The following CENPE variants were observed in gnomAD, a reference collection of about 807,000 sequenced individuals.
The protein encoded by CENPE is centromere protein E.
A neutral mutation model predicts 336.1 loss-of-function variants in CENPE; 145 were observed. The ratio of observed to expected loss-of-function variants is 0.43; its 90% CI spans 0.38 to 0.50. The LOEUF is 0.50. Ranked by LOEUF, CENPE falls within the 20% of genes least tolerant of loss-of-function variation. The probability of loss-of-function intolerance (pLI) is 0.00; values close to 1 mark genes in which losing one functional copy is unlikely to be tolerated. For synonymous variants in CENPE, 1,013 were observed against 984.8 expected, an observed-to-expected ratio of 1.03 and a Z score of -0.54; for missense variants, 2,719 against 3,023.3, an observed-to-expected ratio of 0.90 and a Z score of 2.36.
At chr4:103,169,026 G>C (rs553714495) in intron 16 of CENPE, among the ~76,000 whole-genome samples, 1 of 152,242 alleles carries the variant, frequency 6.6e-6, no homozygotes, top group East Asian at 1.9e-4. Flanking sequence ...ATTCAAAATA[G>C]CTATTTTAAG....
Position 103,163,016 on chromosome 4 carries a change from T to C in CENPE, c.1842+121A>G, listed in dbSNP as rs1053012139. Reference sequence around the variant, plus strand: ...AGGGTTATTGACAGATTTAATGAAATATATATAAATTTATTACAACAATAC... The same window carrying C: ...AGGGTTATTGACAGATTTAATGAAACATATATAAATTTATTACAACAATAC... On this transcript the variant is annotated intron_variant, in intron 18 of 48. Transcript: ENST00000265148. 5 of 691,074 alleles carry C rather than the reference T, an allele frequency of 7.2e-6. No homozygotes were observed. The African/African-American group carries it at 9.2e-5, about 13-fold the overall frequency. The allele number at this position is 691,074 out of a possible 1,614,324, so 42.8% of individuals were successfully genotyped here. A position where few individuals can be genotyped will look rare whatever the true frequency, so the allele number is the denominator to read the frequency against.
intron 44 of CENPE, among the ~76,000 whole-genome samples, chr4:103,118,456 A>G (rs887008138): frequency 3.3e-5 from 5 of 152,142 alleles, no homozygotes; most frequent in Non-Finnish European, 5.9e-5. Context: ...TTTATCTTTT[A>G]TATACAGTTT....
intron 44 of CENPE, among the ~76,000 whole-genome samples, chr4:103,118,171 A>G (rs974602298): frequency 6.6e-6 from 1 of 152,188 alleles, no homozygotes; most frequent in African/African-American, 2.4e-5. Flanking sequence ...AAATGGCTGT[A>G]CCATTTTGCA....
At chr4:103,158,952 A>G (rs1239239898) in intron 22 of CENPE, 58 bp downstream of exon 22, 2 of 1,539,498 alleles carry the variant, frequency 1.3e-6, no homozygotes, top group East Asian at 2.2e-5. Context: ...ACATATATAC[A>G]GAAACCAAAA....
At position 103,145,802 on chromosome 4, in the gene CENPE, A is replaced by T; in HGVS notation, c.4413+27T>A. On this transcript the variant is annotated intron_variant, in intron 30 of 48. Transcript: ENST00000265148. The stretch of plus-strand genomic sequence containing the variant: ...AATATTTGGTTACAAAATATTTTTT[A>T]AAAACATGGTGAAAGATGAAACCTA... The T allele has an allele frequency of 3.2e-6, 5 of 1,560,698 alleles. No individual in the cohort carries two copies. In the South Asian group the frequency reaches 3.7e-5, roughly 11 times the overall value.
rs371460606 is a variant in CENPE, at chr4:103,196,865, A to G, written c.57-15T>C. On this transcript the variant is annotated splice_polypyrimidine_tract_variant and intron_variant, in intron 1 of 48. Coordinates refer to ENST00000265148, the MANE Select transcript of CENPE (RefSeq NM_001813.3). Reference sequence around the variant, plus strand: ...GTGATTCTTCTCTAAAAGAATAAAAACACCGCATTTTAACCAGTCATAAAA... The same window carrying G: ...GTGATTCTTCTCTAAAAGAATAAAAGCACCGCATTTTAACCAGTCATAAAA... 28 of 1,289,178 alleles carry G rather than the reference A, an allele frequency of 2.2e-5. No individual in the cohort carries two copies. Among genetic ancestry groups the G allele is most frequent in the Non-Finnish European group, 2.7e-5 (24 of 888,342 alleles). 79.9% of individuals were successfully genotyped at this position (1,289,178 alleles called of 1,614,324 possible). A position where few individuals can be genotyped will look rare whatever the true frequency, so the allele number is the denominator to read the frequency against.
At chr4:103,115,444 T>C (rs910068934) in intron 45 of CENPE, among the ~76,000 whole-genome samples, 3 of 152,204 alleles carry the variant, frequency 2.0e-5, no homozygotes, top group Non-Finnish European at 4.4e-5. Flanking sequence ...CTGCTGACCC[T>C]ATTCTACAAG....
At chr4:103,194,971 G>T in intron 5 of CENPE, 143 bp downstream of exon 5, 1 of 716,028 alleles carries the variant, frequency 1.4e-6, no homozygotes, top group Non-Finnish European at 2.1e-6. Context: ...TTTAAAAGAT[G>T]AATATAAATA....
intron 40 of CENPE, among the ~76,000 whole-genome samples, chr4:103,135,806 T>C (rs1029741828): frequency 3.3e-5 from 5 of 152,208 alleles, no homozygotes; most frequent in African/African-American, 1.2e-4. Flanking sequence ...TACAGTTTCA[T>C]CTTCTGTAAT....
chr4:103,132,270 A>G (rs1455520401), intron 42 of CENPE, among the ~76,000 whole-genome samples: 1 of 152,148 alleles, frequency 6.6e-6, no homozygotes, highest in African/African-American at 2.4e-5. Context: ...TCTTAAAAAA[A>G]AAAGTTTATT....
intron 42 of CENPE, among the ~76,000 whole-genome samples, chr4:103,124,422 A>G (rs1382406935): frequency 6.6e-6 from 1 of 152,228 alleles, no homozygotes; most frequent in Non-Finnish European, 1.5e-5. Context: ...GATTTGTACT[A>G]ACATATGAAG....
chr4:103,175,559 C>T (rs2126007410), intron 15 of CENPE, among the ~76,000 whole-genome samples: 1 of 152,164 alleles, frequency 6.6e-6, no homozygotes, highest in Non-Finnish European at 1.5e-5. Flanking sequence ...ACAAAGTAAA[C>T]ACGGAATCTA....
At chr4:103,125,866 CAAAAAAAAAAA>C (rs1314621341) in intron 42 of CENPE, among the ~76,000 whole-genome samples, 7 of 48,044 alleles carry the variant, frequency 1.5e-4, no homozygotes, top group African/African-American at 1.5e-4. Context: ...GACTCCATCT[CAAAAAAAAAAA>C]AAAAAAAAAA....
At chr4:103,152,984 G>C in intron 25 of CENPE, 63 bp downstream of exon 25, 1 of 1,211,896 alleles carries the variant, frequency 8.3e-7, no homozygotes, top group Non-Finnish European at 1.2e-6. Flanking sequence ...CAATAAAGTT[G>C]ATAAAAATCT....
chr4:103,167,272 T>C lies in CENPE; in HGVS notation c.1648-3719A>G, dbSNP rs545487619. ...CTGTGCTCTAGGTAGCATTTATATA[T>C]GCTCAATAAAATGTAATATACAAAC... On this transcript the variant is annotated intron_variant, in intron 16 of 48. Transcript: ENST00000265148. Among the ~76,000 whole-genome samples the C allele has an allele frequency of 3.2e-4, 49 of 152,256 alleles. No homozygotes were observed. In the South Asian group the frequency reaches 9.5e-3, roughly 30 times the overall value.
chr4:103,177,448 G>A (rs11724309), intron 13 of CENPE, among the ~76,000 whole-genome samples: 27,041 of 151,660 alleles, frequency 0.18, 2,520 homozygotes, highest in Middle Eastern at 0.31. Flanking sequence ...TTTACTGGGT[G>A]CAAGTATCAT....
Position 103,123,016 on chromosome 4 carries a change from T to G in CENPE, c.6998A>C (p.Lys2333Thr). ...TTTTTCATTTTTCTCTTTCAGTGAT[T>G]TCAGGTCCTGTTCCCACTCTTTGGA... ...TISKEWEQDLKSLKEKNEKLF... is the reference protein window; with the variant it reads ...TISKEWEQDLTSLKEKNEKLF... The change falls in exon 43 of 49, where the codon AAA becomes ACA. Residue 2333 changes from lysine to threonine, a missense_variant. By Grantham distance (78) the Lys-to-Thr change is moderately conservative. Coordinates refer to ENST00000265148, the MANE Select transcript of CENPE (RefSeq NM_001813.3). 6.2e-7 allele frequency: 1 copy of G among 1,613,976 alleles called. No individual in the cohort carries two copies. The highest frequency in any genetic ancestry group is 1.1e-5 in the South Asian group (1 of 91,080).
chr4:103,112,451 A>C (rs1328687300), intron 46 of CENPE, among the ~76,000 whole-genome samples: 2 of 145,550 alleles, frequency 1.4e-5, no homozygotes, highest in South Asian at 2.1e-4. Context: ...ATATACTTAT[A>C]TATACATATC....
At chr4:103,186,498 C>T (rs6847357) in intron 8 of CENPE, among the ~76,000 whole-genome samples, 3 of 152,094 alleles carry the variant, frequency 2.0e-5, no homozygotes, top group Non-Finnish European at 4.4e-5. Flanking sequence ...CTGTACTATG[C>T]TGTAGCAATA....
Sources: allele counts gnomAD v4.1 joint callset (sites outside exome capture counted in the v4.1 genomes callset), GRCh38; gene constraint gnomAD v4.1.1; transcripts MANE v1.5; gene names NCBI Gene and HGNC (gene_info 2026-07-23, HGNC 2026-07-21).